Variants in ACTR3C observed in about 807,000 individuals in gnomAD.
The protein encoded by ACTR3C is actin related protein 3C, also known as actin-related protein 3C.
ACTR3C carries 18 observed loss-of-function variants against 26.3 expected under a neutral mutation model. That is an observed-to-expected ratio of 0.68 (90% CI 0.47 to 1.01). ACTR3C has a LOEUF of 1.01. Ranked by LOEUF, ACTR3C falls within the 50% of genes least tolerant of loss-of-function variation. The pLI, the probability that ACTR3C is intolerant of heterozygous loss-of-function variation, is 0.00. For synonymous variants in ACTR3C, 55 were observed against 94.5 expected (o/e 0.58, Z 2.42); for missense variants, 184 against 250.7 (o/e 0.73, Z 1.80).
chr7:150,185,276 CGTGTGT>C, the ACTR3C span, among the ~76,000 whole-genome samples: 1,378 of 140,622 alleles, frequency 9.8e-3, 3 homozygotes, highest in African/African-American at 0.025. Flanking sequence ...AAATGTCAGG[CGTGTGT>C]GTGTGTGTGT....
the ACTR3C span, among the ~76,000 whole-genome samples, chr7:150,035,514 CCCA>C: frequency 2.2e-3 from 59 of 26,422 alleles, no homozygotes; most frequent in Middle Eastern, 0.022. Context: ...GCTCTCAGTC[CCCA>C]CTCTCGTGGG....
the ACTR3C span, among the ~76,000 whole-genome samples, chr7:150,086,497 T>A: frequency 6.6e-6 from 1 of 152,078 alleles, no homozygotes. Flanking sequence ...TATCAAGGCC[T>A]CTGCTACATT....
chr7:150,034,507 G>T, the ACTR3C span, among the ~76,000 whole-genome samples: 1 of 151,516 alleles, frequency 6.6e-6, no homozygotes, highest in East Asian at 1.9e-4. Context: ...ACAAAGGCTT[G>T]GCTAATACTG....
chr7:149,897,203 T>C, the ACTR3C span, among the ~76,000 whole-genome samples: 2 of 152,286 alleles, frequency 1.3e-5, no homozygotes, highest in Admixed American at 1.3e-4. Context: ...GGATTAATAC[T>C]GGTTAACCAT....
the ACTR3C span, among the ~76,000 whole-genome samples, chr7:149,983,459 A>G: frequency 3.5e-5 from 4 of 113,714 alleles, no homozygotes; most frequent in African/African-American, 1.2e-4. Context: ...GTATATATAT[A>G]TATATGTAGG....
At chr7:150,037,090 G>T in the ACTR3C span, among the ~76,000 whole-genome samples, 7 of 112,366 alleles carry the variant, frequency 6.2e-5, no homozygotes, top group Admixed American at 1.7e-4. Flanking sequence ...CTCGTGCGAT[G>T]GGGGTCCTAA....
intron 1 of ACTR3C, among the ~76,000 whole-genome samples, chr7:150,311,166 T>C (rs1796289318): frequency 6.6e-6 from 1 of 152,138 alleles, no homozygotes; most frequent in Admixed American, 6.5e-5. Context: ...TCCCCATTCT[T>C]CCTTTCATTC....
At chr7:150,037,964 GA>G in the ACTR3C span, among the ~76,000 whole-genome samples, 11 of 140,614 alleles carry the variant, frequency 7.8e-5, no homozygotes, top group South Asian at 2.2e-4. Context: ...AGAGCCAGGG[GA>G]GGAAAGGGGG....
At chr7:150,118,525 A>G in the ACTR3C span, among the ~76,000 whole-genome samples, 6 of 148,134 alleles carry the variant, frequency 4.1e-5, no homozygotes, top group African/African-American at 7.6e-5. Flanking sequence ...AATGAAGACA[A>G]GATTAGAGAA....
chr7:150,163,236 C>T, the ACTR3C span, among the ~76,000 whole-genome samples: 1 of 151,674 alleles, frequency 6.6e-6, no homozygotes, highest in Admixed American at 6.6e-5. Flanking sequence ...GAAAAGTTAA[C>T]ATTTGAGCAA....
the ACTR3C span, among the ~76,000 whole-genome samples, chr7:150,046,946 C>A: frequency 6.6e-6 from 1 of 152,074 alleles, no homozygotes; most frequent in Non-Finnish European, 1.5e-5. Context: ...GGAGGGGAGA[C>A]AGACACGGCC....
chr7:150,305,291 G>A (rs949409778), intron 1 of ACTR3C, among the ~76,000 whole-genome samples: 6 of 152,028 alleles, frequency 3.9e-5, no homozygotes, highest in African/African-American at 1.5e-4. Context: ...TAAGAACCTC[G>A]CAAATGACAG....
At chr7:150,312,090 G>A (rs574527824) in intron 1 of ACTR3C, among the ~76,000 whole-genome samples, 2 of 152,306 alleles carry the variant, frequency 1.3e-5, no homozygotes, top group East Asian at 3.9e-4. Flanking sequence ...TAAAGAAAAT[G>A]CCTACGCCAA....
the ACTR3C span, among the ~76,000 whole-genome samples, chr7:150,169,800 T>G: frequency 0.14 from 21,493 of 150,622 alleles, 3,338 homozygotes; most frequent in African/African-American, 0.33. Flanking sequence ...TCAGAACTTT[T>G]GCATCATTGA....
At chr7:149,952,789 C>A in the ACTR3C span, among the ~76,000 whole-genome samples, 1 of 150,770 alleles carries the variant, frequency 6.6e-6, no homozygotes, top group African/African-American at 2.5e-5. Flanking sequence ...AGGTTGGCAA[C>A]AATTAAAAAG....
chr7:150,160,291 A>T, the ACTR3C span, among the ~76,000 whole-genome samples: 1 of 152,126 alleles, frequency 6.6e-6, no homozygotes, highest in Non-Finnish European at 1.5e-5. Context: ...AATAGTTGCA[A>T]ATCTAATCCC....
At chr7:150,099,905 C>T in the ACTR3C span, among the ~76,000 whole-genome samples, 1 of 151,682 alleles carries the variant, frequency 6.6e-6, no homozygotes, top group African/African-American at 2.4e-5. Flanking sequence ...GGCCTCTAGT[C>T]ATAGAGTGCT....
chr7:149,892,650 G>A, the ACTR3C span, among the ~76,000 whole-genome samples: 2 of 111,826 alleles, frequency 1.8e-5, no homozygotes, highest in African/African-American at 5.4e-5. Flanking sequence ...ACTGACAGAA[G>A]GTCCATTGCA....
At chr7:150,041,807 CT>C in the ACTR3C span, among the ~76,000 whole-genome samples, 4 of 113,778 alleles carry the variant, frequency 3.5e-5, no homozygotes, top group Non-Finnish European at 7.6e-5. Context: ...GCCTCCCCCC[CT>C]GCGATGGGGG....
Sources: gnomAD v4.1 joint callset for allele counts (sites outside exome capture counted in the v4.1 genomes callset) on GRCh38, gnomAD v4.1.1 for gene constraint, MANE v1.5 for transcripts, NCBI Gene and HGNC (gene_info 2026-07-23, HGNC 2026-07-21) for gene names.